The following KCND2 variants were observed in gnomAD, a reference collection of about 807,000 sequenced individuals.
The protein encoded by KCND2 is potassium voltage-gated channel subfamily D member 2.
Under a neutral mutation model 54.4 loss-of-function variants are expected in KCND2, and 16 were observed. That is an observed-to-expected ratio of 0.29 (90% CI 0.20 to 0.45). The LOEUF (loss-of-function observed/expected upper bound fraction) is 0.45, where lower values mean the gene tolerates loss of function less well. KCND2 is among the 20% of genes least tolerant of loss of function. The pLI, the probability that KCND2 is intolerant of heterozygous loss-of-function variation, is 1.00. For synonymous variants in KCND2, 317 were observed against 310.7 expected (o/e 1.02, Z -0.21); for missense variants, 486 against 824.2 (o/e 0.59, Z 5.02).
At chr7:120,523,177 C>T (rs868329369) in intron 1 of KCND2, among the ~76,000 whole-genome samples, 13 of 152,106 alleles carry the variant, frequency 8.5e-5, no homozygotes, top group Non-Finnish European at 1.9e-4. Flanking sequence ...GTGTTGTTTC[C>T]GCTATCCATG....
intron 1 of KCND2, among the ~76,000 whole-genome samples, chr7:120,595,207 T>C (rs1792722654): frequency 6.6e-6 from 1 of 151,368 alleles, no homozygotes; most frequent in South Asian, 2.1e-4. Flanking sequence ...TACCAGCATT[T>C]TTTGGAGGCC....
At chr7:120,584,772 A>G (rs1282257552) in intron 1 of KCND2, among the ~76,000 whole-genome samples, 2 of 150,974 alleles carry the variant, frequency 1.3e-5, no homozygotes, top group African/African-American at 2.5e-5. Flanking sequence ...ATGCGCGTGC[A>G]CACACACACA....
intron 1 of KCND2, among the ~76,000 whole-genome samples, chr7:120,611,704 T>A (rs1288786586): frequency 1.3e-5 from 2 of 152,160 alleles, no homozygotes; most frequent in Non-Finnish European, 2.9e-5. Context: ...AAGTGAAAAA[T>A]GGACTTCATT....
chr7:120,321,702 G>C (rs1799895105), intron 1 of KCND2, among the ~76,000 whole-genome samples: 1 of 151,992 alleles, frequency 6.6e-6, no homozygotes, highest in Non-Finnish European at 1.5e-5. Flanking sequence ...TATTGACTTT[G>C]CTCTGGAGTC....
At chr7:120,289,942 TTG>T (rs1799409606) in intron 1 of KCND2, among the ~76,000 whole-genome samples, 1 of 152,090 alleles carries the variant, frequency 6.6e-6, no homozygotes, top group Non-Finnish European at 1.5e-5. Flanking sequence ...GAAGCTCACA[TTG>T]TGTTTTTGCT....
chr7:120,686,877 A>G (rs1005874577), intron 1 of KCND2, among the ~76,000 whole-genome samples: 4 of 152,178 alleles, frequency 2.6e-5, no homozygotes, highest in African/African-American at 9.7e-5. Context: ...CTTATCAGGA[A>G]ACCGCTGATC....
At chr7:120,449,495 T>A (rs981742789) in intron 1 of KCND2, among the ~76,000 whole-genome samples, 1 of 152,188 alleles carries the variant, frequency 6.6e-6, no homozygotes, top group Non-Finnish European at 1.5e-5. Flanking sequence ...CTGTTCCTAG[T>A]TTGTCTGAAT....
At position 120,667,213 on chromosome 7, in the gene KCND2, A is replaced by G. The variant is rs558876074; in HGVS notation, c.1116-65690A>G. 7.2e-5 allele frequency among the ~76,000 whole-genome samples: 11 copies of G among 152,182 alleles called. No individual in the cohort carries two copies. The East Asian group carries it at 1.9e-3, about 27-fold the overall frequency. ...CTTATTTTAAATGTATAATGAAAAC[A>G]TAGTATGGCTGCCGGTTAGAGTGAT... On this transcript the variant is annotated intron_variant, in intron 1 of 5. Transcript: ENST00000331113.
chr7:120,351,316 AAATT>A (rs1227777627), intron 1 of KCND2, among the ~76,000 whole-genome samples: 11 of 146,220 alleles, frequency 7.5e-5, no homozygotes, highest in Non-Finnish European at 1.6e-4. Context: ...AATTTTTAAA[AAATT>A]AATCATTAGT....
rs188666123 is a variant in KCND2 at position 120,524,922 on chromosome 7, G to A, written c.1116-207981G>A. On this transcript the variant is annotated intron_variant, in intron 1 of 5. Transcript: ENST00000331113. ...ATTTTACACCACGTCTGGCTCTGAG[G>A]ACCTCACACTCTTGTTTTACTTGGA... Among the ~76,000 whole-genome samples, 168 of 152,214 alleles carry A rather than the reference G, an allele frequency of 1.1e-3. 1 individual carries two copies. Among genetic ancestry groups the A allele is most frequent in the Middle Eastern group, 6.8e-3 (2 of 294 alleles).
intron 1 of KCND2, among the ~76,000 whole-genome samples, chr7:120,549,456 C>G (rs1449375879): frequency 1.3e-5 from 2 of 152,058 alleles, no homozygotes; most frequent in African/African-American, 2.4e-5. Flanking sequence ...ACATTCCTGC[C>G]CAGACTTCAG....
rs1799141898 is a variant in KCND2 at position 120,274,507 on chromosome 7, G to A, written c.-126G>A. 9.4e-7 allele frequency: 1 copy of A among 1,062,356 alleles called. No homozygotes were observed. Among genetic ancestry groups the A allele is most frequent in the Non-Finnish European group, 1.5e-6 (1 of 685,940 alleles). The allele number at this position is 1,062,356 out of a possible 1,614,324, so 65.8% of individuals were successfully genotyped here. A position where few individuals can be genotyped will look rare whatever the true frequency, so the allele number is the denominator to read the frequency against. On this transcript the variant is annotated 5_prime_UTR_variant, in exon 1 of 6. Coordinates refer to ENST00000331113, the MANE Select transcript of KCND2 (RefSeq NM_012281.3). ...CCAGGAGCCCTATCTTGGAATAAGAGTTACACCTCTGGACCACGTTTCTCA... is the reference window on the plus strand; with the variant it reads ...CCAGGAGCCCTATCTTGGAATAAGAATTACACCTCTGGACCACGTTTCTCA...
At chr7:120,589,191 T>C (rs555320420) in intron 1 of KCND2, among the ~76,000 whole-genome samples, 3 of 152,166 alleles carry the variant, frequency 2.0e-5, no homozygotes, top group Non-Finnish European at 4.4e-5. Flanking sequence ...TAAATAGGAA[T>C]AATAGAATTA....
chr7:120,528,597 CA>C (rs1340462917), intron 1 of KCND2, among the ~76,000 whole-genome samples: 3 of 152,112 alleles, frequency 2.0e-5, no homozygotes, highest in Non-Finnish European at 4.4e-5. Context: ...ACTTTTAGTA[CA>C]TGGGGCAGAA....
intron 1 of KCND2, among the ~76,000 whole-genome samples, chr7:120,416,848 G>A (rs1046567072): frequency 6.6e-6 from 1 of 151,302 alleles, no homozygotes; most frequent in Non-Finnish European, 1.5e-5. Flanking sequence ...TATTTAGAAA[G>A]CCTTGTTTTT....
At chr7:120,499,381 A>G (rs1802898418) in intron 1 of KCND2, among the ~76,000 whole-genome samples, 1 of 152,134 alleles carries the variant, frequency 6.6e-6, no homozygotes, top group East Asian at 1.9e-4. Flanking sequence ...TAAATTTCCA[A>G]AATAAGACAG....
chr7:120,682,755 A>G (rs1792155524), intron 1 of KCND2, among the ~76,000 whole-genome samples: 1 of 152,172 alleles, frequency 6.6e-6, no homozygotes, highest in African/African-American at 2.4e-5. Flanking sequence ...TAGCCGGTTA[A>G]AAGTATTTTA....
At chr7:120,545,320 A>G (rs1188037894) in intron 1 of KCND2, among the ~76,000 whole-genome samples, 2 of 151,908 alleles carry the variant, frequency 1.3e-5, no homozygotes, top group Non-Finnish European at 2.9e-5. Flanking sequence ...GTCTAATATC[A>G]TTGATGCTAA....
chr7:120,438,406 A>T (rs934038357), intron 1 of KCND2, among the ~76,000 whole-genome samples: 22 of 152,314 alleles, frequency 1.4e-4, no homozygotes, highest in African/African-American at 4.8e-4. Flanking sequence ...CCTTAAATGG[A>T]ATCATTTTAT....
Sources: gnomAD v4.1 joint callset for allele counts (sites outside exome capture counted in the v4.1 genomes callset) on GRCh38, gnomAD v4.1.1 for gene constraint, MANE v1.5 for transcripts, NCBI Gene and HGNC (gene_info 2026-07-23, HGNC 2026-07-21) for gene names.